Variants in PTPRQ observed in about 807,000 individuals in gnomAD.
PTPRQ encodes phosphatidylinositol phosphatase PTPRQ.
PTPRQ carries 199 observed loss-of-function variants against 246.0 expected under a neutral mutation model. That is an observed-to-expected ratio of 0.81 (90% confidence interval 0.72 to 0.91). The LOEUF (loss-of-function observed/expected upper bound fraction) is 0.91, where lower values mean the gene tolerates loss of function less well. PTPRQ is among the 40% of genes least tolerant of loss of function. PTPRQ has a pLI of 0.00. For synonymous variants in PTPRQ, 869 were observed against 853.2 expected (o/e 1.02, Z -0.32); for missense variants, 2,624 against 2,528.4 (o/e 1.04, Z -0.81).
chr12:80,633,352 T>C (rs1899513973), intron 34 of PTPRQ, among the ~76,000 whole-genome samples: 1 of 152,226 alleles, frequency 6.6e-6, no homozygotes, highest in African/African-American at 2.4e-5. Context: ...CCCCTTCTCA[T>C]GCTTACTTTC....
intron 18 of PTPRQ, 85 bp downstream of exon 18, chr12:80,534,260 A>G (rs1468987962): frequency 4.6e-6 from 6 of 1,314,822 alleles, no homozygotes; most frequent in Non-Finnish European, 5.0e-6. Context: ...CAAATATCAA[A>G]ATGTATGATG....
chr12:80,461,576 T>A (rs1456584558), intron 6 of PTPRQ, among the ~76,000 whole-genome samples: 1 of 151,164 alleles, frequency 6.6e-6, no homozygotes, highest in Admixed American at 6.6e-5. Context: ...ATTTAAGGGA[T>A]ATTGATATAG....
At chr12:80,639,156 G>T (rs1183430620) in intron 35 of PTPRQ, among the ~76,000 whole-genome samples, 1 of 152,146 alleles carries the variant, frequency 6.6e-6, no homozygotes, top group African/African-American at 2.4e-5. Flanking sequence ...TACTTTAACT[G>T]TACAACGATT....
intron 35 of PTPRQ, among the ~76,000 whole-genome samples, chr12:80,637,175 T>A (rs1471275375): frequency 7.1e-6 from 1 of 141,228 alleles, no homozygotes; most frequent in Non-Finnish European, 1.5e-5. Flanking sequence ...AGAGCGAGAC[T>A]CCATGTCAAA....
At chr12:80,612,206 A>G (rs73349786) in intron 28 of PTPRQ, among the ~76,000 whole-genome samples, 11,924 of 150,280 alleles carry the variant, frequency 0.079, 1,140 homozygotes, top group African/African-American at 0.23. Context: ...TTATCCTCAT[A>G]CATATTTTAA....
At chr12:80,650,280 ATT>A (rs1900214215) in intron 37 of PTPRQ, among the ~76,000 whole-genome samples, 1 of 151,672 alleles carries the variant, frequency 6.6e-6, no homozygotes, top group Non-Finnish European at 1.5e-5. Flanking sequence ...AAAATTAAGA[ATT>A]TGTCACTTTA....
intron 25 of PTPRQ, among the ~76,000 whole-genome samples, chr12:80,585,461 G>T (rs966201258): frequency 6.6e-6 from 1 of 152,098 alleles, no homozygotes; most frequent in African/African-American, 2.4e-5. Context: ...CTCCAGCCTT[G>T]TTACCCTTTA....
chr12:80,562,310 G>C (rs1422659895), intron 25 of PTPRQ, among the ~76,000 whole-genome samples: 2 of 152,094 alleles, frequency 1.3e-5, no homozygotes, highest in Non-Finnish European at 1.5e-5. Context: ...TGTGTGAAAT[G>C]AATCTCTTCT....
intron 39 of PTPRQ, among the ~76,000 whole-genome samples, chr12:80,659,563 T>C (rs1900559707): frequency 6.6e-6 from 1 of 151,994 alleles, no homozygotes; most frequent in African/African-American, 2.4e-5. Context: ...ATGAATATAA[T>C]TAAGAAGAAA....
chr12:80,679,081 A>G lies in PTPRQ; in HGVS notation c.*58A>G. The G allele has an allele frequency of 1.3e-6, 2 of 1,527,306 alleles. No individual in the cohort carries two copies. The highest frequency in any genetic ancestry group is 1.8e-6 in the Non-Finnish European group (2 of 1,137,032). The allele number at this position is 1,527,306 out of a possible 1,614,324, so 94.6% of individuals were successfully genotyped here. A position where few individuals can be genotyped will look rare whatever the true frequency, so the allele number is the denominator to read the frequency against. ...TTTTTAAATCCCAGGGGCCAAAGTT[A>G]CCCCCTCATTCTTCCGAATTGAAAT... On this transcript the variant is annotated 3_prime_UTR_variant, in exon 45 of 45. Coordinates refer to ENST00000644991, the MANE Select transcript of PTPRQ (RefSeq NM_001145026.2).
chr12:80,568,541 G>A (rs377554112), intron 25 of PTPRQ, among the ~76,000 whole-genome samples: 1 of 152,150 alleles, frequency 6.6e-6, no homozygotes, highest in Non-Finnish European at 1.5e-5. Context: ...TCAGTAAGTT[G>A]TCTTGGCTGC....
chr12:80,545,121 C>G (rs1332184024), intron 23 of PTPRQ, among the ~76,000 whole-genome samples: 1 of 152,028 alleles, frequency 6.6e-6, no homozygotes, highest in African/African-American at 2.4e-5. Flanking sequence ...CCCTTCCTAA[C>G]CAAAATCATA....
At chr12:80,583,183 T>C (rs1399002802) in intron 25 of PTPRQ, among the ~76,000 whole-genome samples, 1 of 152,226 alleles carries the variant, frequency 6.6e-6, no homozygotes, top group Non-Finnish European at 1.5e-5. Context: ...TCCCCTGTTA[T>C]ACCCTCGATT....
At chr12:80,461,113 A>G (rs1354883732) in intron 6 of PTPRQ, among the ~76,000 whole-genome samples, 1 of 152,170 alleles carries the variant, frequency 6.6e-6, no homozygotes, top group Non-Finnish European at 1.5e-5. Context: ...AAGATTTGCA[A>G]AAAACAATTC....
chr12:80,625,465 G>T (rs1256250129), intron 33 of PTPRQ, among the ~76,000 whole-genome samples: 1 of 152,132 alleles, frequency 6.6e-6, no homozygotes, highest in Non-Finnish European at 1.5e-5. Flanking sequence ...GAAACTTTGG[G>T]ATTTAAGAGC....
intron 25 of PTPRQ, among the ~76,000 whole-genome samples, chr12:80,569,831 T>C (rs1897092958): frequency 6.6e-6 from 1 of 150,748 alleles, no homozygotes; most frequent in South Asian, 2.1e-4. Context: ...GAACACACGA[T>C]ATTTGGTTTT....
chr12:80,672,915 T>C (rs1901017638), intron 42 of PTPRQ, among the ~76,000 whole-genome samples: 3 of 151,990 alleles, frequency 2.0e-5, no homozygotes, highest in African/African-American at 2.4e-5. Context: ...TATTAAGAAA[T>C]AAGAGGTTAA....
At chr12:80,539,442 C>T (rs1372427820) in intron 19 of PTPRQ, among the ~76,000 whole-genome samples, 1 of 152,102 alleles carries the variant, frequency 6.6e-6, no homozygotes, top group African/African-American at 2.4e-5. Context: ...TTGAAAATTA[C>T]TTGAATGTTT....
intron 25 of PTPRQ, among the ~76,000 whole-genome samples, chr12:80,568,701 G>A (rs1897051504): frequency 1.3e-5 from 2 of 152,084 alleles, no homozygotes; most frequent in African/African-American, 4.8e-5. Flanking sequence ...TGTGTCACAC[G>A]AGTTCATTGC....
Sources: gnomAD v4.1 joint callset for allele counts (sites outside exome capture counted in the v4.1 genomes callset) on GRCh38, gnomAD v4.1.1 for gene constraint, MANE v1.5 for transcripts, NCBI Gene and HGNC (gene_info 2026-07-23, HGNC 2026-07-21) for gene names.